The following AGBL1 variants were observed in gnomAD, a reference collection of about 807,000 sequenced individuals.
The protein encoded by AGBL1 is cytosolic carboxypeptidase 4.
AGBL1 carries 130 observed loss-of-function variants against 118.9 expected under a neutral mutation model. The observed-to-expected ratio is 1.09, with a 90% CI of 0.95 to 1.26. The LOEUF is 1.26. Ranked by LOEUF, AGBL1 falls within the 50% of genes most tolerant of loss-of-function variation. The probability of loss-of-function intolerance (pLI) is 0.00; values close to 1 mark genes in which losing one functional copy is unlikely to be tolerated. For synonymous variants in AGBL1, 555 were observed against 478.9 expected (o/e 1.16, Z -2.08); for missense variants, 1,584 against 1,298.1 (o/e 1.22, Z -3.38).
At chr15:86,876,049 C>T (rs2079802763) in intron 22 of AGBL1, among the ~76,000 whole-genome samples, 1 of 152,156 alleles carries the variant, frequency 6.6e-6, no homozygotes, top group African/African-American at 2.4e-5. Context: ...TGCTGGGGTC[C>T]TTTTGTCACT....
At chr15:86,759,384 T>G (rs1362292709) in intron 22 of AGBL1, among the ~76,000 whole-genome samples, 1 of 152,104 alleles carries the variant, frequency 6.6e-6, no homozygotes, top group Non-Finnish European at 1.5e-5. Context: ...GTTTTCTCAC[T>G]TGTATAATAG....
At chr15:86,930,146 C>T (rs1420278539) in intron 23 of AGBL1, among the ~76,000 whole-genome samples, 3 of 152,148 alleles carry the variant, frequency 2.0e-5, no homozygotes, top group African/African-American at 7.2e-5. Context: ...CACTCCTTCC[C>T]ATGCCACAAA....
chr15:87,017,465 C>CTGAT (rs1555472247), intron 24 of AGBL1, among the ~76,000 whole-genome samples: 2 of 152,102 alleles, frequency 1.3e-5, no homozygotes, highest in African/African-American at 4.8e-5. Flanking sequence ...GCAGCCTTCA[C>CTGAT]TGATTGATAA....
intron 5 of AGBL1, among the ~76,000 whole-genome samples, chr15:86,177,227 G>C (rs2077493763): frequency 6.6e-6 from 1 of 152,162 alleles, no homozygotes; most frequent in Non-Finnish European, 1.5e-5. Context: ...TAATAGTAAA[G>C]GGTCAGTTTA....
chr15:86,344,462 G>A (rs536717237), intron 17 of AGBL1, among the ~76,000 whole-genome samples: 1 of 152,176 alleles, frequency 6.6e-6, no homozygotes, highest in East Asian at 2.0e-4. Context: ...GCCCCCTAGA[G>A]TTGTGCAGTG....
chr15:86,140,170 C>G (rs891141520), intron 1 of AGBL1: 2 of 154,116 alleles, frequency 1.3e-5, no homozygotes, highest in African/African-American at 4.8e-5. Context: ...CAAACACCCG[C>G]CCACAGGTGT....
chr15:86,714,739 G>C (rs538951681), intron 22 of AGBL1, among the ~76,000 whole-genome samples: 3 of 152,108 alleles, frequency 2.0e-5, no homozygotes, highest in Admixed American at 6.5e-5. Flanking sequence ...AGAGAAGAAG[G>C]CTTCCTGATG....
intron 22 of AGBL1, among the ~76,000 whole-genome samples, chr15:86,727,379 C>G (rs927141920): frequency 6.6e-6 from 1 of 152,016 alleles, no homozygotes; most frequent in Non-Finnish European, 1.5e-5. Context: ...CTATTTTGCT[C>G]TGAAAAAGGT....
intron 17 of AGBL1, among the ~76,000 whole-genome samples, chr15:86,331,196 C>G (rs933660746): frequency 6.9e-6 from 1 of 144,136 alleles, no homozygotes; most frequent in African/African-American, 2.6e-5. Context: ...TGTACTCCAG[C>G]CTGGGTGACA....
At chr15:86,847,548 A>G (rs1441488461) in intron 22 of AGBL1, among the ~76,000 whole-genome samples, 1 of 151,996 alleles carries the variant, frequency 6.6e-6, no homozygotes, top group Admixed American at 6.6e-5. Flanking sequence ...TTATTCATGG[A>G]TTTTTAAAGG....
intron 18 of AGBL1, among the ~76,000 whole-genome samples, chr15:86,422,276 T>C (rs1233475749): frequency 1.6e-4 from 25 of 152,044 alleles, no homozygotes; most frequent in Admixed American, 1.6e-3. Flanking sequence ...TCAAATTAGA[T>C]CTCGGGATTA....
chr15:86,713,090 G>A (rs7174517), intron 22 of AGBL1, among the ~76,000 whole-genome samples: 9,156 of 152,100 alleles, frequency 0.06, 755 homozygotes, highest in African/African-American at 0.19. Flanking sequence ...ATTTACACAG[G>A]CATTACTGGA....
At chr15:86,968,278 T>C (rs2081074344) in intron 23 of AGBL1, among the ~76,000 whole-genome samples, 1 of 151,914 alleles carries the variant, frequency 6.6e-6, no homozygotes, top group Non-Finnish European at 1.5e-5. Context: ...TCTCTGAGTT[T>C]CATATTTGAG....
At chr15:86,645,988 C>T (rs756485908) in intron 21 of AGBL1, among the ~76,000 whole-genome samples, 1 of 152,166 alleles carries the variant, frequency 6.6e-6, no homozygotes, top group African/African-American at 2.4e-5. Context: ...GCATTGTTTT[C>T]GGCTTGAGTC....
chr15:86,881,619 G>A (rs2079892561), intron 22 of AGBL1, among the ~76,000 whole-genome samples: 1 of 152,130 alleles, frequency 6.6e-6, no homozygotes, highest in South Asian at 2.1e-4. Context: ...GGAGGAAGAT[G>A]GCAGAGGGGG....
rs113058943 is a variant in AGBL1, at chr15:86,406,603, G to A, written c.2555+9057G>A. On this transcript the variant is annotated intron_variant, in intron 18 of 22. Transcript: ENST00000614907. ...CATAGTGCCTCTGGAATTTTGTAAC[G>A]TAGAGGCTCTTCCTGAATCAAGCTG... Among the ~76,000 whole-genome samples the A allele has an allele frequency of 8.7e-4, 133 of 152,212 alleles. 2 individuals carry two copies. The highest frequency in any genetic ancestry group is 3.4e-3 in the Middle Eastern group (1 of 294).
At chr15:86,949,443 A>T (rs1192354815) in intron 23 of AGBL1, among the ~76,000 whole-genome samples, 4 of 152,144 alleles carry the variant, frequency 2.6e-5, no homozygotes, top group Admixed American at 2.6e-4. Context: ...GCCACTGTTA[A>T]GACATAAATA....
At chr15:86,734,740 T>G (rs2077569695) in intron 22 of AGBL1, among the ~76,000 whole-genome samples, 2 of 152,322 alleles carry the variant, frequency 1.3e-5, no homozygotes, top group South Asian at 4.1e-4. Flanking sequence ...TGAGGCCAGA[T>G]GACTCCTTCC....
intron 21 of AGBL1, among the ~76,000 whole-genome samples, chr15:86,642,286 A>G (rs568445507): frequency 2.0e-5 from 3 of 152,214 alleles, no homozygotes; most frequent in Non-Finnish European, 4.4e-5. Flanking sequence ...AAAGTGAAAT[A>G]TATCTTTTAC....
Sources: allele counts gnomAD v4.1 joint callset (sites outside exome capture counted in the v4.1 genomes callset), GRCh38; gene constraint gnomAD v4.1.1; transcripts MANE v1.5; gene names NCBI Gene and HGNC (gene_info 2026-07-23, HGNC 2026-07-21).